DENND4C: variants seen among roughly 807,000 people sequenced by gnomAD.
The protein encoded by DENND4C is DENN domain containing 4C.
DENND4C carries 108 observed loss-of-function variants against 203.0 expected under a neutral mutation model. The ratio of observed to expected loss-of-function variants is 0.53; its 90% confidence interval spans 0.46 to 0.62. DENND4C has a LOEUF of 0.62. DENND4C is among the 20% of genes least tolerant of loss of function. DENND4C has a pLI of 0.00. For missense variants in DENND4C, 2,481 were observed against 2,301.2 expected, an observed-to-expected ratio of 1.08 and a Z score of -1.60; for synonymous variants, 871 against 792.4, an observed-to-expected ratio of 1.10 and a Z score of -1.67.
chr9:19,317,732 A>G (rs1016064445), intron 12 of DENND4C, among the ~76,000 whole-genome samples: 3 of 152,250 alleles, frequency 2.0e-5, no homozygotes, highest in Admixed American at 2.0e-4. Context: ...TAAATGGAAA[A>G]TAATTAAGAT....
chr9:19,354,549 C>CTTTT (rs66823332), intron 26 of DENND4C, among the ~76,000 whole-genome samples: 82 of 87,274 alleles, frequency 9.4e-4, no homozygotes, highest in African/African-American at 3.3e-3. Context: ...TTATTCTAGC[C>CTTTT]TTTTTTTTTT....
At chr9:19,341,407 C>T (rs1165745460) in intron 21 of DENND4C, among the ~76,000 whole-genome samples, 2 of 151,028 alleles carry the variant, frequency 1.3e-5, no homozygotes, top group Non-Finnish European at 2.9e-5. Context: ...ATCTCCTGGC[C>T]TCATATGATC....
At chr9:19,349,704 A>G (rs1259987785) in intron 23 of DENND4C, among the ~76,000 whole-genome samples, 1 of 152,228 alleles carries the variant, frequency 6.6e-6, no homozygotes, top group African/African-American at 2.4e-5. Context: ...TGTAATTTAT[A>G]TAAGATTGAA....
At chr9:19,295,926 T>G in intron 5 of DENND4C, 82 bp from the exon 6 acceptor site, 2 of 1,086,618 alleles carry the variant, frequency 1.8e-6, no homozygotes, top group South Asian at 1.5e-5. Context: ...CAAGCAAATA[T>G]TTCTTGTGTA....
At position 19,346,892 on chromosome 9, in the gene DENND4C, T is replaced by C. The variant is rs1161034505; in HGVS notation, c.4123T>C (p.Leu1375=). 1.9e-6 allele frequency: 3 copies of C among 1,614,234 alleles called. No homozygotes were observed. The highest frequency in any genetic ancestry group is 2.5e-6 in the Non-Finnish European group (3 of 1,180,026). Residue 1375 remains leucine, a synonymous_variant, in exon 23 of 33, where the codon TTG becomes CTG. Transcript: ENST00000434457. ...AACTCATAAAGAACGTTCAACTTCT[T>C]TGTCAGCACTGGTGCGTTCTTCGCC... The part of the protein sequence containing the change: ...SRTHKERSTS[L]SALVRSSPHG...
intron 20 of DENND4C, among the ~76,000 whole-genome samples, chr9:19,337,154 T>A (rs530223553): frequency 6.6e-6 from 1 of 152,332 alleles, no homozygotes; most frequent in African/African-American, 2.4e-5. Context: ...CAAATCTTTT[T>A]AAAAAATTAA....
At chr9:19,310,001 C>A (rs2131447127) in intron 10 of DENND4C, among the ~76,000 whole-genome samples, 1 of 152,170 alleles carries the variant, frequency 6.6e-6, no homozygotes, top group African/African-American at 2.4e-5. Flanking sequence ...AAAGATAATT[C>A]ACATCTTTTG....
Position 19,276,234 on chromosome 9 carries a change from C to T in DENND4C, c.60C>T (p.Asp20=), listed in dbSNP as rs779142132. The part of the protein sequence containing the change: ...TDYFVVAGLT[D]TSTLLDQEIN... ...ACTTTGTCGTAGCTGGTCTCACTGA[C>T]ACATCTACTCTTTTGGATCAAGAAA... The change falls in exon 2 of 33, where the codon GAC becomes GAT. Residue 20 remains aspartate, a synonymous_variant. Transcript: ENST00000434457. 94 of 1,231,954 alleles carry T rather than the reference C, an allele frequency of 7.6e-5. No homozygotes were observed. The highest frequency in any genetic ancestry group is 9.1e-5 in the Non-Finnish European group (90 of 987,898). The allele number at this position is 1,231,954 out of a possible 1,614,324, so 76.3% of individuals were successfully genotyped here.
chr9:19,309,210 G>C (rs537719220), intron 10 of DENND4C, among the ~76,000 whole-genome samples: 1 of 152,168 alleles, frequency 6.6e-6, no homozygotes, highest in African/African-American at 2.4e-5. Context: ...ATCTCCTGGG[G>C]TCGGGAGTTT....
chr9:19,326,667 G>C (rs1172367471), intron 15 of DENND4C, among the ~76,000 whole-genome samples: 1 of 151,956 alleles, frequency 6.6e-6, no homozygotes, highest in East Asian at 1.9e-4. Flanking sequence ...AATAAACTTA[G>C]AAAATCAAAC....
chr9:19,317,955 A>G (rs1254829871), intron 12 of DENND4C, among the ~76,000 whole-genome samples: 2 of 152,252 alleles, frequency 1.3e-5, no homozygotes, highest in Non-Finnish European at 2.9e-5. Flanking sequence ...CTGGAAGTCC[A>G]TAGGCATTAA....
intron 12 of DENND4C, among the ~76,000 whole-genome samples, chr9:19,322,806 ACAAAAAACC>A (rs145342701): frequency 0.073 from 11,097 of 151,566 alleles, 575 homozygotes; most frequent in Middle Eastern, 0.22. Context: ...TGCTCCCTGC[ACAAAAAACC>A]CAAAAAACCC....
intron 16 of DENND4C, among the ~76,000 whole-genome samples, chr9:19,329,979 A>G (rs1342533248): frequency 6.6e-6 from 1 of 152,220 alleles, no homozygotes; most frequent in Non-Finnish European, 1.5e-5. Flanking sequence ...GGAAAATTTC[A>G]CAATGAAAAT....
chr9:19,341,087 A>G lies in DENND4C; in HGVS notation c.2977A>G (p.Ile993Val), dbSNP rs545983529. The G allele has an allele frequency of 9.1e-5, 146 of 1,612,022 alleles. 1 individual carries two copies. In the Middle Eastern group the frequency reaches 9.9e-4, roughly 11 times the overall value. Residue 993 changes from isoleucine (I) to valine (V), a missense_variant, in exon 21 of 33, where the codon ATA (isoleucine) becomes GTA (valine). Around this residue, in one of 3 missense-constraint regions of DENND4C, gnomAD observed 2,289 missense variants for 2,113.3 expected, o/e 1.08. Transcript: ENST00000434457. The stretch of plus-strand genomic sequence containing the variant: ...TGAAGAACAGGCAGCAAGAGAATTG[A>G]TAACTAAAACAAAAATGCAAACAGA... ...VPEEQAAREL[I>V]TKTKMQTEEV...
intron 22 of DENND4C, among the ~76,000 whole-genome samples, chr9:19,344,164 C>T (rs559908026): frequency 6.6e-6 from 1 of 152,154 alleles, no homozygotes; most frequent in African/African-American, 2.4e-5. Context: ...CAGCTTTTTT[C>T]CTTGAAGCAC....
At position 19,350,765 on chromosome 9, in the gene DENND4C, A is replaced by C; in HGVS notation, c.4381A>C (p.Ile1461Leu). 1.2e-6 allele frequency: 2 copies of C among 1,614,056 alleles called. No individual in the cohort carries two copies. The highest frequency in any genetic ancestry group is 1.7e-6 in the Non-Finnish European group (2 of 1,180,010). ...GLEDHILGEN[I>L]SPNTSISGLV... ...AGAAGACCATATTTTGGGGGAGAAT[A>C]TATCGCCTAACACAAGTATCTCAGG... Residue 1461 changes from isoleucine to leucine, a missense_variant, in exon 24 of 33, where the codon ATA becomes CTA. Around this residue, in one of 3 missense-constraint regions of DENND4C, gnomAD observed 2,289 missense variants for 2,113.3 expected, o/e 1.08. Transcript: ENST00000434457.
Position 19,346,352 on chromosome 9 carries a change from G to A in DENND4C, c.3583G>A (p.Val1195Ile), listed in dbSNP as rs776596059. The change falls in exon 23 of 33, where the codon GTA becomes ATA. Residue 1195 changes from valine to isoleucine, a missense_variant. Physicochemically the swap from Val to Ile is conservative, Grantham distance 29. Coordinates refer to ENST00000434457, the MANE Select transcript of DENND4C (RefSeq NM_001330640.2). The stretch of plus-strand genomic sequence containing the variant: ...ACTCCTTGAGCCTGTGGTTGATGAC[G>A]TACCTAAAACTACTGCAACAGTAGA... Reference protein sequence around the residue: ...QELLEPVVDDVPKTTATVDTY... With the variant: ...QELLEPVVDDIPKTTATVDTY... 13 of 1,614,144 alleles carry A rather than the reference G, an allele frequency of 8.1e-6. No individual in the cohort carries two copies. The highest frequency in any genetic ancestry group is 2.2e-5 in the South Asian group (2 of 91,074).
intron 12 of DENND4C, among the ~76,000 whole-genome samples, chr9:19,321,140 TCTTTGAAATG>T (rs1199350818): frequency 6.6e-6 from 1 of 152,218 alleles, no homozygotes; most frequent in African/African-American, 2.4e-5. Flanking sequence ...GAAAAGTCAC[TCTTTGAAATG>T]TTAAAAAGAA....
intron 24 of DENND4C, 139 bp from the exon 25 acceptor site, chr9:19,351,934 A>C (rs887044354): frequency 1.3e-5 from 8 of 614,802 alleles, no homozygotes; most frequent in Non-Finnish European, 2.0e-5. Flanking sequence ...CTTTCTATGT[A>C]TGCATACATT....
Sources: gnomAD v4.1 joint callset for allele counts (sites outside exome capture counted in the v4.1 genomes callset) on GRCh38, gnomAD v4.1.1 for gene constraint, gnomAD v4.1.1 regional missense constraint, MANE v1.5 for transcripts, NCBI Gene and HGNC (gene_info 2026-07-23, HGNC 2026-07-21) for gene names.